Variants in FDFT1 observed in about 807,000 individuals in gnomAD.
FDFT1 encodes the protein farnesyl-diphosphate farnesyltransferase 1.
FDFT1 carries 68 observed loss-of-function variants against 46.8 expected under a neutral mutation model. The observed-to-expected ratio is 1.45, with a 90% CI of 1.19 to 1.78. FDFT1 has a LOEUF of 1.78. Ranked by LOEUF, FDFT1 falls within the 40% of genes most tolerant of loss-of-function variation. The pLI, the probability that FDFT1 is intolerant of heterozygous loss-of-function variation, is 0.00. For synonymous variants in FDFT1, 351 were observed against 185.1 expected (o/e 1.90, Z -7.28); for missense variants, 928 against 524.4 (o/e 1.77, Z -7.52).
chr8:11,831,265 A>T (rs551586133), intron 6 of FDFT1, among the ~76,000 whole-genome samples: 1 of 152,338 alleles, frequency 6.6e-6, no homozygotes, highest in Non-Finnish European at 1.5e-5. Context: ...TCCAAATAAA[A>T]TGGAACTTTT....
intron 1 of FDFT1, among the ~76,000 whole-genome samples, chr8:11,804,956 T>A (rs1252263329): frequency 7.4e-6 from 1 of 135,118 alleles, no homozygotes; most frequent in Non-Finnish European, 1.5e-5. Context: ...TCGTCCAGGC[T>A]AGAATGCTGT....
At chr8:11,820,821 T>G (rs1373471745) in intron 3 of FDFT1, among the ~76,000 whole-genome samples, 1 of 152,216 alleles carries the variant, frequency 6.6e-6, no homozygotes, top group East Asian at 1.9e-4. Context: ...CCCTTGCACT[T>G]CCTGGATGAG....
chr8:11,838,546 C>G lies in FDFT1; in HGVS notation c.1191C>G (p.Ser397Arg). 6.2e-7 allele frequency: 1 copy of G among 1,612,164 alleles called. No homozygotes were observed. The highest frequency in any genetic ancestry group is 8.5e-7 in the Non-Finnish European group (1 of 1,179,262). ...LSFVMLLAAL[S>R]WQYLTTLSQV... ...TTGTCATGCTTTTGGCTGCCCTGAG[C>G]TGGCAGTACCTGACCACTCTCTCCC... Residue 397 changes from serine to arginine, a missense_variant, in exon 8 of 8, where the codon AGC becomes AGG. By Grantham distance (110) the Ser-to-Arg change is moderately radical (BLOSUM62 -1). Transcript: ENST00000220584.
At chr8:11,827,468 T>A (rs1259758031) in intron 5 of FDFT1, among the ~76,000 whole-genome samples, 1 of 149,940 alleles carries the variant, frequency 6.7e-6, no homozygotes, top group Non-Finnish European at 1.5e-5. Context: ...GATTGAGTTG[T>A]AATCACACCA....
intron 3 of FDFT1, among the ~76,000 whole-genome samples, chr8:11,810,545 A>C (rs750882846): frequency 6.6e-6 from 1 of 152,232 alleles, no homozygotes; most frequent in Non-Finnish European, 1.5e-5. Flanking sequence ...TGCCTGGTAC[A>C]GGGTAAGTAT....
At chr8:11,833,246 C>T (rs894065547) in intron 7 of FDFT1, among the ~76,000 whole-genome samples, 4 of 152,086 alleles carry the variant, frequency 2.6e-5, no homozygotes, top group Non-Finnish European at 4.4e-5. Flanking sequence ...GGGTAGTGAC[C>T]AAGTAGGTGG....
chr8:11,802,954 C>A, intron 1 of FDFT1, 23 bp downstream of exon 1: 1 of 1,579,744 alleles, frequency 6.3e-7, no homozygotes, highest in South Asian at 1.1e-5. Flanking sequence ...TCCCTGCTTG[C>A]CCGGGGCGGG....
At chr8:11,823,674 C>T (rs1018232661) in intron 4 of FDFT1, among the ~76,000 whole-genome samples, 1 of 152,088 alleles carries the variant, frequency 6.6e-6, no homozygotes, top group Non-Finnish European at 1.5e-5. Flanking sequence ...CTCAAGCAAT[C>T]TTCCTTGCCC....
At chr8:11,820,666 AC>A (rs942181682) in intron 3 of FDFT1, among the ~76,000 whole-genome samples, 2 of 151,670 alleles carry the variant, frequency 1.3e-5, no homozygotes, top group African/African-American at 4.8e-5. Flanking sequence ...TGGGCATGGG[AC>A]CCCCCGAGCC....
intron 1 of FDFT1, among the ~76,000 whole-genome samples, chr8:11,807,500 C>A (rs538288845): frequency 2.1e-4 from 32 of 152,046 alleles, no homozygotes; most frequent in African/African-American, 5.6e-4. Flanking sequence ...CCAAAAAGAA[C>A]TGTTGTAAGA....
intron 3 of FDFT1, among the ~76,000 whole-genome samples, chr8:11,811,023 G>C (rs1313729882): frequency 6.7e-6 from 1 of 149,282 alleles, no homozygotes; most frequent in South Asian, 2.1e-4. Flanking sequence ...CAGACCTTAA[G>C]TACCAAAGCC....
In FDFT1 at chr8:11,809,696, T is replaced by C; in HGVS notation, c.227T>C (p.Leu76Pro). The change falls in exon 3 of 8, where the codon CTC becomes CCC. Residue 76 changes from leucine to proline, a missense_variant. Leu to Pro is a moderately conservative substitution (Grantham distance 98). Transcript: ENST00000220584. Reference sequence around the variant, plus strand: ...GCAGTGTGCATATTTTATCTGGTTCTCCGAGCTCTGGACACACTGGAAGAT... The same window carrying C: ...GCAGTGTGCATATTTTATCTGGTTCCCCGAGCTCTGGACACACTGGAAGAT... Reference protein sequence around the residue: ...RNAVCIFYLVLRALDTLEDDM... With the variant: ...RNAVCIFYLVPRALDTLEDDM... 6.2e-7 allele frequency: 1 copy of C among 1,613,684 alleles called. No individual in the cohort carries two copies. The highest frequency in any genetic ancestry group is 8.5e-7 in the Non-Finnish European group (1 of 1,179,864).
At chr8:11,805,449 C>G (rs535211786) in intron 1 of FDFT1, among the ~76,000 whole-genome samples, 84 of 152,360 alleles carry the variant, frequency 5.5e-4, no homozygotes, top group African/African-American at 6.0e-4. Flanking sequence ...TCAGGCAGAT[C>G]TGGCTCCTGT....
At chr8:11,795,839 C>G (rs1324425959) in exon 1 of FDFT1, 1 of 152,718 alleles carries the variant, frequency 6.5e-6, no homozygotes, top group Non-Finnish European at 1.5e-5. Flanking sequence ...GACCACGAAC[C>G]CACCAGAAGG....
intron 1 of FDFT1, chr8:11,808,343 G>C: frequency 4.1e-6 from 5 of 1,233,578 alleles, no homozygotes; most frequent in Non-Finnish European, 5.1e-6. Context: ...GCGGGAGGAG[G>C]CGCCGGTGCG....
intron 3 of FDFT1, among the ~76,000 whole-genome samples, chr8:11,813,038 TCCAAGGC>T (rs112587351): frequency 0.19 from 28,741 of 152,030 alleles, 3,287 homozygotes; most frequent in African/African-American, 0.33. Flanking sequence ...AGGCCATTGC[TCCAAGGC>T]TGCACATCTC....
At chr8:11,813,959 G>A (rs1027065888) in intron 3 of FDFT1, among the ~76,000 whole-genome samples, 1 of 152,140 alleles carries the variant, frequency 6.6e-6, no homozygotes, top group Non-Finnish European at 1.5e-5. Context: ...ACTTTCTCCT[G>A]TATATTTTTG....
At chr8:11,824,820 C>T (rs1809743468) in intron 4 of FDFT1, among the ~76,000 whole-genome samples, 1 of 152,116 alleles carries the variant, frequency 6.6e-6, no homozygotes, top group South Asian at 2.1e-4. Context: ...CCTGCAAGCT[C>T]CACCTCCTGG....
In FDFT1 at chr8:11,802,902, A is replaced by C; in HGVS notation, c.70A>C (p.Lys24Gln). The C allele has an allele frequency of 6.2e-7, 1 of 1,611,284 alleles. No homozygotes were observed. ...YNLVRFRIGG[K>Q]RKVMPKMDQD... is the part of the protein sequence containing the mutation. ...CCTGGTGCGCTTCCGGATCGGGGGC[A>C]AGCGGAAGGTGATGCCCAAGATGGA... Residue 24 changes from lysine (K) to glutamine (Q), a missense_variant, in exon 1 of 8, where the codon AAG becomes CAG. Transcript: ENST00000220584.
Sources: gnomAD v4.1 joint callset for allele counts (sites outside exome capture counted in the v4.1 genomes callset) on GRCh38, gnomAD v4.1.1 for gene constraint, MANE v1.5 for transcripts, NCBI Gene and HGNC (gene_info 2026-07-23, HGNC 2026-07-21) for gene names.